Variants in NFIA observed in about 807,000 individuals in gnomAD.
The protein encoded by NFIA is nuclear factor 1 A-type.
A neutral mutation model predicts 62.8 loss-of-function variants in NFIA; 8 were observed. The observed-to-expected ratio is 0.13, with a 90% CI of 0.07 to 0.23. The LOEUF is 0.23. Ranked by LOEUF, NFIA falls within the 10% of genes least tolerant of loss-of-function variation. The pLI, the probability that NFIA is intolerant of heterozygous loss-of-function variation, is 1.00. For synonymous variants in NFIA, 235 were observed against 238.1 expected, an observed-to-expected ratio of 0.99 and a Z score of 0.12; for missense variants, 410 against 642.1, an observed-to-expected ratio of 0.64 and a Z score of 3.91.
intron 2 of NFIA, among the ~76,000 whole-genome samples, chr1:61,164,419 T>G (rs912011851): frequency 2.0e-5 from 3 of 152,058 alleles, no homozygotes; most frequent in Admixed American, 1.3e-4. Context: ...TGGGAAAATG[T>G]CTCAAGCTTT....
intron 2 of NFIA, among the ~76,000 whole-genome samples, chr1:61,138,359 G>A (rs1647256687): frequency 6.6e-6 from 1 of 152,134 alleles, no homozygotes; most frequent in Admixed American, 6.5e-5. Context: ...GCTTCCCAAA[G>A]TATTGGAATT....
rs1267791725 is a variant in NFIA at position 61,406,693 on chromosome 1, A to G, written c.1386A>G (p.Ser462=). ...PVPDTKPPTT[S]TEGGAASPTS... ...CAGACACAAAGCCTCCAACCACGTC[A>G]ACAGAAGGAGGTGCAGCCTCCCCCA... Residue 462 remains serine, a synonymous_variant, in exon 9 of 11, where the codon TCA becomes TCG. Coordinates refer to ENST00000403491, the MANE Select transcript of NFIA (RefSeq NM_001134673.4). 2 of 1,612,712 alleles carry G rather than the reference A, an allele frequency of 1.2e-6. No individual in the cohort carries two copies. The highest frequency in any genetic ancestry group is 8.5e-7 in the Non-Finnish European group (1 of 1,179,490).
intron 2 of NFIA, among the ~76,000 whole-genome samples, chr1:61,190,454 A>G (rs764839334): frequency 7.9e-5 from 12 of 152,242 alleles, no homozygotes; most frequent in Non-Finnish European, 1.5e-4. Context: ...ATTGGGATTT[A>G]AAGTTCCAAA....
At chr1:61,399,896 A>G (rs140337978) in intron 7 of NFIA, among the ~76,000 whole-genome samples, 15 of 152,362 alleles carry the variant, frequency 9.8e-5, no homozygotes, top group African/African-American at 3.1e-4. Context: ...AACATATCCA[A>G]TAATACAATA....
At position 61,339,538 on chromosome 1, in the gene NFIA, G is replaced by A. The variant is rs60198915; in HGVS notation, c.700+6952G>A. On this transcript the variant is annotated intron_variant, in intron 4 of 10. Transcript: ENST00000403491. ...CATACTCGTAGGAAGAAAAATAACA[G>A]TCTGGCTGGCTTAATTCAGCCAGCT... 9.3e-3 allele frequency among the ~76,000 whole-genome samples: 1,420 copies of A among 152,152 alleles called. 28 individuals are homozygous for A. The highest frequency in any genetic ancestry group is 0.033 in the African/African-American group (1,354 of 41,506).
At chr1:61,382,455 A>G (rs982862189) in intron 6 of NFIA, among the ~76,000 whole-genome samples, 2 of 152,234 alleles carry the variant, frequency 1.3e-5, no homozygotes, top group African/African-American at 4.8e-5. Flanking sequence ...AGGCAATGAA[A>G]ATCACCCAAA....
chr1:61,447,799 C>T (rs1338660893), intron 10 of NFIA, among the ~76,000 whole-genome samples: 3 of 152,116 alleles, frequency 2.0e-5, no homozygotes, highest in East Asian at 3.9e-4. Flanking sequence ...GCCGTGTCCA[C>T]GGGGGTCTCC....
chr1:61,235,495 T>TAAATA lies in NFIA; in HGVS notation c.560-42022_560-42018dup, dbSNP rs1553164005. Among the ~76,000 whole-genome samples the TAAATA allele has an allele frequency of 8.3e-5, 12 of 144,208 alleles. No individual in the cohort carries two copies. The East Asian group carries it at 1.7e-3, about 21-fold the overall frequency. 94.6% of individuals were successfully genotyped at this position (144,208 alleles called of 152,430 possible). On this transcript the variant is annotated intron_variant, in intron 2 of 10. Coordinates refer to ENST00000403491, the MANE Select transcript of NFIA (RefSeq NM_001134673.4). ...ATAAATAAATAAATAAATAAATAAATAAATAAATAAAAATAAAAAATAAAA... is the reference window on the plus strand; with the variant it reads ...ATAAATAAATAAATAAATAAATAAATAAATAAAATAAATAAAAATAAAAAATAAAA...
intron 2 of NFIA, among the ~76,000 whole-genome samples, chr1:61,210,734 T>C (rs888892949): frequency 1.3e-5 from 2 of 152,220 alleles, no homozygotes; most frequent in African/African-American, 4.8e-5. Context: ...GATGATTTCA[T>C]TGTAATCCTA....
chr1:61,211,376 AC>A (rs1653245542), intron 2 of NFIA, among the ~76,000 whole-genome samples: 1 of 152,226 alleles, frequency 6.6e-6, no homozygotes, highest in Non-Finnish European at 1.5e-5. Flanking sequence ...GAAATGAATT[AC>A]AAATTACAAT....
intron 10 of NFIA, among the ~76,000 whole-genome samples, chr1:61,429,948 G>A (rs1406414398): frequency 3.3e-5 from 5 of 152,186 alleles, no homozygotes; most frequent in African/African-American, 1.2e-4. Flanking sequence ...TGTTAAAGGG[G>A]TACAGAGTTT....
At chr1:61,391,435 AACACAC>A (rs60938787) in intron 7 of NFIA, among the ~76,000 whole-genome samples, 15,688 of 124,524 alleles carry the variant, frequency 0.13, 898 homozygotes, top group African/African-American at 0.14. Flanking sequence ...TTATGAATCA[AACACAC>A]ACACACACAC....
At chr1:61,440,382 T>C (rs1477885346) in intron 10 of NFIA, among the ~76,000 whole-genome samples, 1 of 152,216 alleles carries the variant, frequency 6.6e-6, no homozygotes, top group Non-Finnish European at 1.5e-5. Context: ...CAAACAGTAA[T>C]AGTGAATTGA....
chr1:61,088,455 G>A lies in NFIA; in HGVS notation c.334G>A (p.Gly112Ser). ...CCVLSNPDQK[G>S]KMRRIDCLRQ... Reference sequence around the variant, plus strand: ...TGTTCTTTCCAACCCAGACCAGAAAGGCAAGATGCGAAGAATTGACTGCCT... The same window carrying A: ...TGTTCTTTCCAACCCAGACCAGAAAAGCAAGATGCGAAGAATTGACTGCCT... The change falls in exon 2 of 11, where the codon GGC (glycine) becomes AGC (serine). Residue 112 changes from glycine (G) to serine (S), a missense_variant. Transcript: ENST00000403491. The surrounding 1 kb of genome is among the most constrained non-coding windows in gnomAD (Gnocchi z 4.5). 1 of 1,614,050 alleles carries A rather than the reference G, an allele frequency of 6.2e-7. No homozygotes were observed. Among genetic ancestry groups the A allele is most frequent in the Non-Finnish European group, 8.5e-7 (1 of 1,180,020 alleles).
In NFIA at chr1:61,406,568, G is replaced by T; in HGVS notation, c.1261G>T (p.Gly421Trp). Residue 421 changes from glycine to tryptophan, a missense_variant, in exon 9 of 11, where the codon GGG (glycine) becomes TGG (tryptophan). Gly to Trp is a radical substitution (Grantham distance 184). Around this residue, in one of 3 missense-constraint regions of NFIA, gnomAD observed 298 missense variants for 438.1 expected, o/e 0.68. Coordinates refer to ENST00000403491, the MANE Select transcript of NFIA (RefSeq NM_001134673.4). ...GCCCCCCCCCCCCCCACAGCCCAAT[G>T]GGAGCAGCCAAGGCAAGGTGCACAA... ...AGQVGFLNPNGSSQGKVHNPF... is the reference protein window; with the variant it reads ...AGQVGFLNPNWSSQGKVHNPF... 1 of 1,095,704 alleles carries T rather than the reference G, an allele frequency of 9.1e-7. No homozygotes were observed. The highest frequency in any genetic ancestry group is 1.9e-5 in the African/African-American group (1 of 51,858). 67.9% of individuals were successfully genotyped at this position (1,095,704 alleles called of 1,614,324 possible). A position where few individuals can be genotyped will look rare whatever the true frequency, so the allele number is the denominator to read the frequency against.
At chr1:61,186,685 A>G (rs781623807) in intron 2 of NFIA, among the ~76,000 whole-genome samples, 2 of 152,204 alleles carry the variant, frequency 1.3e-5, no homozygotes, top group Non-Finnish European at 2.9e-5. Context: ...TTTTTAGGTA[A>G]AAATATGTCC....
chr1:61,384,126 A>T (rs1182169051), intron 7 of NFIA, among the ~76,000 whole-genome samples: 1 of 152,220 alleles, frequency 6.6e-6, no homozygotes, highest in Non-Finnish European at 1.5e-5. Flanking sequence ...CAGTAGAAGT[A>T]TGAATAATTG....
In NFIA at chr1:61,406,623, C is replaced by T. The variant is rs748732161; in HGVS notation, c.1316C>T (p.Pro439Leu). The T allele has an allele frequency of 7.4e-6, 12 of 1,610,800 alleles. No individual in the cohort carries two copies. The highest frequency in any genetic ancestry group is 2.2e-5 in the East Asian group (1 of 44,652). ...NPFLPTPMLPPPPPPPMARPV... is the reference protein window; with the variant it reads ...NPFLPTPMLPLPPPPPMARPV... ...TTCCTTCCCACCCCAATGTTGCCAC[C>T]GCCACCGCCACCACCGATGGCCAGG... Residue 439 changes from proline (P) to leucine (L), a missense_variant, in exon 9 of 11, where the codon CCG becomes CTG. Around this residue, in one of 3 missense-constraint regions of NFIA, gnomAD observed 298 missense variants for 438.1 expected, o/e 0.68. Coordinates refer to ENST00000403491, the MANE Select transcript of NFIA (RefSeq NM_001134673.4).
intron 3 of NFIA, among the ~76,000 whole-genome samples, chr1:61,300,870 A>G (rs1330332029): frequency 2.6e-5 from 4 of 152,136 alleles, no homozygotes; most frequent in African/African-American, 9.7e-5. Context: ...GAAAATATAA[A>G]CAAGTAAAAA....
Sources: gnomAD v4.1 joint callset for allele counts (sites outside exome capture counted in the v4.1 genomes callset) on GRCh38, gnomAD v4.1.1 for gene constraint, gnomAD v4.1.1 regional missense constraint, Gnocchi (gnomAD v3.1) non-coding constraint, MANE v1.5 for transcripts, NCBI Gene and HGNC (gene_info 2026-07-23, HGNC 2026-07-21) for gene names.